TUSC3: variants seen among roughly 807,000 people sequenced by gnomAD.
The protein encoded by TUSC3 is tumor suppressor candidate 3, also known as dolichyl-diphosphooligosaccharide--protein glycosyltransferase subunit TUSC3.
Under a neutral mutation model 44.8 loss-of-function variants are expected in TUSC3, and 45 were observed. The ratio of observed to expected loss-of-function variants is 1.00; its 90% CI spans 0.79 to 1.29. TUSC3 has a LOEUF of 1.29. TUSC3 is among the 50% of genes most tolerant of loss of function. TUSC3 has a pLI of 0.00. For synonymous variants in TUSC3, 212 were observed against 152.9 expected (o/e 1.39, Z -2.85); for missense variants, 519 against 437.9 (o/e 1.19, Z -1.65).
At chr8:15,499,169 C>T (rs558972726) in intron 2 of TUSC3, among the ~76,000 whole-genome samples, 1 of 152,120 alleles carries the variant, frequency 6.6e-6, no homozygotes, top group African/African-American at 2.4e-5. Flanking sequence ...TAATGCCAAG[C>T]CCCACTAGCC....
chr8:15,773,748 T>C, the TUSC3 span, among the ~76,000 whole-genome samples: 4 of 152,104 alleles, frequency 2.6e-5, no homozygotes, highest in Admixed American at 6.6e-5. Flanking sequence ...GATAAACATA[T>C]AGATTAATAG....
At chr8:15,642,053 TG>T (rs999665135) in intron 2 of TUSC3, among the ~76,000 whole-genome samples, 16 of 152,272 alleles carry the variant, frequency 1.1e-4, no homozygotes, top group African/African-American at 3.9e-4. Context: ...TCATTGAAGC[TG>T]GGGGAAAAGA....
chr8:15,521,679 C>G (rs577449518), intron 2 of TUSC3, among the ~76,000 whole-genome samples: 14 of 152,262 alleles, frequency 9.2e-5, no homozygotes, highest in Non-Finnish European at 1.3e-4. Context: ...GGGCTGCATT[C>G]AAAATTGATG....
rs571233236 is a variant in TUSC3, at chr8:15,642,940, A to G, written c.309-7757A>G. On this transcript the variant is annotated intron_variant, in intron 2 of 10. Coordinates refer to ENST00000503731, the MANE Select transcript of TUSC3 (RefSeq NM_006765.4). ...TATTAGTTGCACAAATATTAAATAC[A>G]TATTATAATCATATGTAGTAGGTAA... is the stretch of plus-strand genomic sequence containing the variant. Among the ~76,000 whole-genome samples, 23 of 152,312 alleles carry G rather than the reference A, an allele frequency of 1.5e-4. 1 individual carries two copies. Among genetic ancestry groups the G allele is most frequent in the Middle Eastern group, 3.4e-3 (1 of 294 alleles).
rs191085096 is a variant in TUSC3 at position 15,615,069 on chromosome 8, G to C, written c.139-8011G>C. ...AGTATAGAGATTTCTTTAAAAACCA[G>C]AAATACAACAACCATAATATTCAGC... On this transcript the variant is annotated intron_variant, in intron 1 of 10. Transcript: ENST00000503731. 2.3e-4 allele frequency among the ~76,000 whole-genome samples: 35 copies of C among 151,836 alleles called. No individual in the cohort carries two copies. In the East Asian group the frequency reaches 5.8e-3, roughly 25 times the overall value.
chr8:15,564,418 C>G (rs1049266731), intron 1 of TUSC3, among the ~76,000 whole-genome samples: 5 of 152,152 alleles, frequency 3.3e-5, no homozygotes, highest in Non-Finnish European at 5.9e-5. Context: ...GTGGAATCCA[C>G]TGTCTACCGT....
intron 6 of TUSC3, among the ~76,000 whole-genome samples, chr8:15,720,098 G>A (rs1007289913): frequency 6.6e-6 from 1 of 151,812 alleles, no homozygotes; most frequent in African/African-American, 2.4e-5. Context: ...ATTTTTTGTA[G>A]AGACAGTGAG....
At chr8:15,477,061 T>G (rs1354718157) in intron 1 of TUSC3, among the ~76,000 whole-genome samples, 1 of 152,182 alleles carries the variant, frequency 6.6e-6, no homozygotes, top group Non-Finnish European at 1.5e-5. Flanking sequence ...CATCTGACAC[T>G]CATCAAAAGA....
At chr8:15,570,294 A>G (rs1025983866) in intron 1 of TUSC3, among the ~76,000 whole-genome samples, 1 of 151,500 alleles carries the variant, frequency 6.6e-6, no homozygotes, top group East Asian at 1.9e-4. Flanking sequence ...ACACACACAC[A>G]CACACACACT....
At chr8:15,789,691 T>G in the TUSC3 span, among the ~76,000 whole-genome samples, 14 of 152,136 alleles carry the variant, frequency 9.2e-5, no homozygotes, top group African/African-American at 3.4e-4. Context: ...GAACAAAACT[T>G]AAAAGATGTA....
At chr8:15,456,607 T>C (rs1042563300) in intron 1 of TUSC3, among the ~76,000 whole-genome samples, 3 of 152,142 alleles carry the variant, frequency 2.0e-5, no homozygotes, top group Non-Finnish European at 4.4e-5. Context: ...CATTCACTTA[T>C]GGAACTTTGA....
chr8:15,683,888 T>G (rs1256097313), intron 6 of TUSC3, among the ~76,000 whole-genome samples: 2 of 152,162 alleles, frequency 1.3e-5, no homozygotes, highest in Admixed American at 6.5e-5. Flanking sequence ...CTGAGTACTT[T>G]CATATGGCCA....
the TUSC3 span, among the ~76,000 whole-genome samples, chr8:15,822,508 A>T: frequency 1.3e-5 from 2 of 152,078 alleles, no homozygotes; most frequent in Non-Finnish European, 2.9e-5. Context: ...GGGATGTGAA[A>T]ATTTGTATTT....
At chr8:15,638,499 T>TTTTTTTTC (rs1396514192) in intron 2 of TUSC3, among the ~76,000 whole-genome samples, 2 of 142,558 alleles carry the variant, frequency 1.4e-5, no homozygotes, top group Non-Finnish European at 3.0e-5. Context: ...AAGACAAACT[T>TTTTTTTTC]TTTTTTTCTT....
the TUSC3 span, chr8:15,806,628 T>G: frequency 1.4e-6 from 2 of 1,384,218 alleles, no homozygotes; most frequent in Non-Finnish European, 2.1e-6. Flanking sequence ...GATCTTTCAG[T>G]GTCATGGACT....
chr8:15,609,714 A>T (rs1339949803), intron 1 of TUSC3, among the ~76,000 whole-genome samples: 1 of 151,774 alleles, frequency 6.6e-6, no homozygotes, highest in South Asian at 2.1e-4. Context: ...TACTTAAGCA[A>T]TTTTTTAGTG....
intron 6 of TUSC3, among the ~76,000 whole-genome samples, chr8:15,694,960 G>A (rs991398501): frequency 5.9e-5 from 9 of 152,206 alleles, no homozygotes; most frequent in African/African-American, 2.2e-4. Flanking sequence ...GAGGTATTGG[G>A]TGTGCTGGTG....
chr8:15,816,574 G>A, the TUSC3 span, among the ~76,000 whole-genome samples: 1 of 152,074 alleles, frequency 6.6e-6, no homozygotes, highest in African/African-American at 2.4e-5. Context: ...GACTTTATTG[G>A]GTCAACCTAT....
intron 1 of TUSC3, among the ~76,000 whole-genome samples, chr8:15,589,934 G>A (rs1464553838): frequency 6.6e-6 from 1 of 152,098 alleles, no homozygotes; most frequent in African/African-American, 2.4e-5. Context: ...ATCAACTTCA[G>A]CTTAACTTAA....
Sources: allele counts gnomAD v4.1 joint callset (sites outside exome capture counted in the v4.1 genomes callset), GRCh38; gene constraint gnomAD v4.1.1; transcripts MANE v1.5; gene names NCBI Gene and HGNC (gene_info 2026-07-23, HGNC 2026-07-21).